The following PRKG1 variants were observed in gnomAD, a reference collection of about 807,000 sequenced individuals.
PRKG1 encodes protein kinase cGMP-dependent 1.
In PRKG1, 35 loss-of-function variants were observed where a neutral mutation model predicts 88.1. The ratio of observed to expected loss-of-function variants is 0.40; its 90% confidence interval spans 0.30 to 0.53. The LOEUF is 0.53. Among genes scored for constraint, PRKG1 ranks in the 20% least tolerant of loss-of-function variants. The probability of loss-of-function intolerance (pLI) is 0.59; values close to 1 mark genes in which losing one functional copy is unlikely to be tolerated. For missense variants in PRKG1, 540 were observed against 839.8 expected (o/e 0.64, Z 4.41); for synonymous variants, 303 against 292.5 (o/e 1.04, Z -0.37).
rs1461206708 is a variant in PRKG1, at chr10:51,912,000, T to C, written c.762+4430T>C. Among the ~76,000 whole-genome samples the C allele has an allele frequency of 2.0e-5, 3 of 152,162 alleles. No homozygotes were observed. In the East Asian group the frequency reaches 5.8e-4, roughly 29 times the overall value. On this transcript the variant is annotated intron_variant, in intron 5 of 17. Transcript: ENST00000373980. Reference sequence around the variant, plus strand: ...GGACTGCGCTCTCTCATAGCATGTGTTTCAGTGAAGGATACTATGATAAGG... The same window carrying C: ...GGACTGCGCTCTCTCATAGCATGTGCTTCAGTGAAGGATACTATGATAAGG...
chr10:51,532,872 C>A (rs905523666), intron 3 of PRKG1, among the ~76,000 whole-genome samples: 1 of 152,278 alleles, frequency 6.6e-6, no homozygotes, highest in Non-Finnish European at 1.5e-5. Context: ...CCCCTTCTCC[C>A]TTTCTTTATC....
intron 4 of PRKG1, among the ~76,000 whole-genome samples, chr10:51,860,106 G>A (rs1274259589): frequency 2.0e-5 from 3 of 152,092 alleles, no homozygotes; most frequent in Non-Finnish European, 4.4e-5. Flanking sequence ...CAAAAATAGG[G>A]TAAATAAGTA....
intron 2 of PRKG1, among the ~76,000 whole-genome samples, chr10:51,173,695 C>G (rs1837114809): frequency 6.6e-6 from 1 of 151,710 alleles, no homozygotes; most frequent in Non-Finnish European, 1.5e-5. Context: ...AAGTGTATTC[C>G]TTCAATTCCT....
intron 1 of PRKG1, among the ~76,000 whole-genome samples, chr10:51,021,773 C>T (rs1028862756): frequency 3.9e-5 from 6 of 152,142 alleles, no homozygotes; most frequent in Non-Finnish European, 7.4e-5. Flanking sequence ...CTCTGCCTTC[C>T]GGATTCAAGT....
At chr10:51,095,697 A>G (rs1844511559) in intron 1 of PRKG1, among the ~76,000 whole-genome samples, 1 of 152,164 alleles carries the variant, frequency 6.6e-6, no homozygotes, top group Admixed American at 6.6e-5. Context: ...GTACTGGGGA[A>G]CTGCATTCTG....
intron 2 of PRKG1, among the ~76,000 whole-genome samples, chr10:51,433,209 C>T (rs1294215559): frequency 6.6e-6 from 1 of 151,968 alleles, no homozygotes; most frequent in South Asian, 2.1e-4. Flanking sequence ...AATCTGAGAA[C>T]AGGGTAAAAT....
intron 3 of PRKG1, among the ~76,000 whole-genome samples, chr10:51,497,771 G>A (rs1014202058): frequency 2.6e-5 from 4 of 152,108 alleles, no homozygotes; most frequent in African/African-American, 7.2e-5. Context: ...TAACTCTCAC[G>A]GGACTTATAA....
intron 3 of PRKG1, among the ~76,000 whole-genome samples, chr10:51,562,004 T>C (rs1375651542): frequency 6.6e-6 from 1 of 151,900 alleles, no homozygotes; most frequent in Non-Finnish European, 1.5e-5. Flanking sequence ...AGGCAGATCA[T>C]CTGAGATCAG....
chr10:51,028,220 G>T (rs940425159), intron 1 of PRKG1, among the ~76,000 whole-genome samples: 4 of 152,146 alleles, frequency 2.6e-5, no homozygotes, highest in Admixed American at 2.6e-4. Context: ...TTTAAATGCA[G>T]GAGTTCCAAA....
Position 51,623,786 on chromosome 10 carries a change from G to A in PRKG1, c.592+155950G>A, listed in dbSNP as rs1480180699. ...TAAGCCTCTTCTACTCCCCTCCCGCGTGTTTCCGTCTGTGGACTTGACCCT... is the reference window on the plus strand; with the variant it reads ...TAAGCCTCTTCTACTCCCCTCCCGCATGTTTCCGTCTGTGGACTTGACCCT... On this transcript the variant is annotated intron_variant, in intron 3 of 17. Transcript: ENST00000373980. Among the ~76,000 whole-genome samples the A allele has an allele frequency of 5.3e-5, 8 of 152,070 alleles. No homozygotes were observed. In the East Asian group the frequency reaches 9.7e-4, roughly 18 times the overall value.
intron 2 of PRKG1, among the ~76,000 whole-genome samples, chr10:51,243,757 A>T (rs1326829657): frequency 2.0e-5 from 3 of 152,186 alleles, no homozygotes; most frequent in African/African-American, 7.2e-5. Context: ...ACTTAAATGC[A>T]CCTGGAAATG....
At chr10:51,729,268 G>A (rs1411107253) in intron 3 of PRKG1, among the ~76,000 whole-genome samples, 4 of 152,144 alleles carry the variant, frequency 2.6e-5, no homozygotes, top group Admixed American at 2.0e-4. Context: ...TCAAAGCTTG[G>A]CTAGAATAGC....
intron 3 of PRKG1, among the ~76,000 whole-genome samples, chr10:51,469,296 T>C (rs886784821): frequency 5.3e-5 from 8 of 151,760 alleles, no homozygotes; most frequent in Non-Finnish European, 8.9e-5. Flanking sequence ...ATTATAAGTA[T>C]TTTTTTGTTT....
intron 2 of PRKG1, among the ~76,000 whole-genome samples, chr10:51,197,794 G>A (rs959123922): frequency 1.2e-4 from 18 of 149,356 alleles, no homozygotes; most frequent in African/African-American, 4.4e-4. Flanking sequence ...AGCTTAGCAG[G>A]TTTAAGAGGT....
At chr10:51,318,335 A>C (rs1841372929) in intron 2 of PRKG1, among the ~76,000 whole-genome samples, 1 of 152,232 alleles carries the variant, frequency 6.6e-6, no homozygotes, top group Admixed American at 6.5e-5. Context: ...TGAGGATGAT[A>C]AATGTGCCTA....
intron 2 of PRKG1, among the ~76,000 whole-genome samples, chr10:51,370,680 A>C (rs1428062066): frequency 6.6e-6 from 1 of 152,060 alleles, no homozygotes; most frequent in Non-Finnish European, 1.5e-5. Context: ...AATAAATCTA[A>C]AAAAAGGTAA....
At chr10:50,996,124 G>A (rs1202648163) in intron 1 of PRKG1, among the ~76,000 whole-genome samples, 1 of 152,188 alleles carries the variant, frequency 6.6e-6, no homozygotes, top group Admixed American at 6.5e-5. Flanking sequence ...AGCAATGAAA[G>A]CAATAATAGA....
At chr10:51,342,061 C>T (rs541957873) in intron 2 of PRKG1, among the ~76,000 whole-genome samples, 18 of 152,152 alleles carry the variant, frequency 1.2e-4, no homozygotes, top group Admixed American at 3.3e-4. Context: ...TATCAGTAAC[C>T]GATATTAGAT....
chr10:51,729,040 CAA>C (rs1842207639), intron 3 of PRKG1, among the ~76,000 whole-genome samples: 1 of 152,152 alleles, frequency 6.6e-6, no homozygotes, highest in East Asian at 1.9e-4. Context: ...ACCAACCCAG[CAA>C]AGACACATCT....
Sources: gnomAD v4.1 joint callset for allele counts (sites outside exome capture counted in the v4.1 genomes callset) on GRCh38, gnomAD v4.1.1 for gene constraint, MANE v1.5 for transcripts, NCBI Gene and HGNC (gene_info 2026-07-23, HGNC 2026-07-21) for gene names.